Variants in LRP1B observed in about 807,000 individuals in gnomAD.
LRP1B encodes low-density lipoprotein receptor-related protein 1B.
In LRP1B, 217 loss-of-function variants were observed where a neutral mutation model predicts 556.6. The observed-to-expected ratio is 0.39, with a 90% CI of 0.35 to 0.44. The LOEUF is 0.44. Among genes scored for constraint, LRP1B ranks in the 20% least tolerant of loss-of-function variants. The pLI is 1.00. For synonymous variants in LRP1B, 2,047 were observed against 1,865.8 expected, an observed-to-expected ratio of 1.10 and a Z score of -2.50; for missense variants, 5,053 against 5,620.8, an observed-to-expected ratio of 0.90 and a Z score of 3.23.
At chr2:141,770,506 C>T (rs1160956046) in intron 2 of LRP1B, among the ~76,000 whole-genome samples, 1 of 152,234 alleles carries the variant, frequency 6.6e-6, no homozygotes, top group East Asian at 1.9e-4. Flanking sequence ...AGACTGCTGG[C>T]TACAAACAGC....
At chr2:141,052,335 T>C (rs1293357860) in intron 10 of LRP1B, among the ~76,000 whole-genome samples, 9 of 152,054 alleles carry the variant, frequency 5.9e-5, no homozygotes, top group African/African-American at 1.9e-4. Flanking sequence ...TTACATACTT[T>C]TATATTTTTC....
chr2:141,986,941 A>T (rs572135358), intron 1 of LRP1B, among the ~76,000 whole-genome samples: 2 of 152,130 alleles, frequency 1.3e-5, no homozygotes, highest in Admixed American at 6.6e-5. Flanking sequence ...CCTGTGTTGT[A>T]CCACTTATTA....
In LRP1B at chr2:140,950,484, T is replaced by C. The variant is rs1227554976; in HGVS notation, c.2969-82A>G. On this transcript the variant is annotated intron_variant, in intron 19 of 90. Transcript: ENST00000389484. ...TTATGAAATATCTAACTGGTTTCTG[T>C]TGTTGTTGTTGTTTTTTGAGACAGA... 12 of 1,097,532 alleles carry C rather than the reference T, an allele frequency of 1.1e-5. No homozygotes were observed. In the East Asian group the frequency reaches 1.7e-4, roughly 15 times the overall value. 68.0% of individuals were successfully genotyped at this position (1,097,532 alleles called of 1,614,324 possible).
chr2:140,486,273 T>A (rs1688467736), intron 58 of LRP1B, among the ~76,000 whole-genome samples: 1 of 151,962 alleles, frequency 6.6e-6, no homozygotes, highest in Non-Finnish European at 1.5e-5. Flanking sequence ...GCCAATAAAA[T>A]TTTAAATGTA....
intron 1 of LRP1B, among the ~76,000 whole-genome samples, chr2:141,880,351 A>G (rs184864593): frequency 9.2e-5 from 14 of 152,150 alleles, no homozygotes; most frequent in Non-Finnish European, 1.9e-4. Flanking sequence ...GGCAAAAATC[A>G]CAATTACTTT....
chr2:141,641,416 T>G (rs2105364881), intron 2 of LRP1B, among the ~76,000 whole-genome samples: 1 of 152,318 alleles, frequency 6.6e-6, no homozygotes, highest in Non-Finnish European at 1.5e-5. Flanking sequence ...TAAAAAAAAT[T>G]AAACACTATA....
chr2:141,708,277 T>C (rs1692225526), intron 2 of LRP1B, among the ~76,000 whole-genome samples: 1 of 151,938 alleles, frequency 6.6e-6, no homozygotes, highest in Admixed American at 6.6e-5. Context: ...TATTCACCCC[T>C]AGATAGTGTA....
At chr2:140,387,115 C>T (rs1683791930) in intron 66 of LRP1B, among the ~76,000 whole-genome samples, 1 of 152,132 alleles carries the variant, frequency 6.6e-6, no homozygotes, top group Non-Finnish European at 1.5e-5. Context: ...GAACACATTT[C>T]CCTTTCGTGT....
intron 1 of LRP1B, among the ~76,000 whole-genome samples, chr2:142,107,618 C>T (rs10166768): frequency 0.17 from 26,288 of 151,184 alleles, 2,506 homozygotes; most frequent in African/African-American, 0.23. Context: ...AATAATGTGT[C>T]TTTTGTTTTG....
intron 59 of LRP1B, among the ~76,000 whole-genome samples, chr2:140,480,788 T>G (rs1688204127): frequency 6.6e-6 from 1 of 152,152 alleles, no homozygotes; most frequent in Admixed American, 6.5e-5. Flanking sequence ...TAAATGAAAG[T>G]ATGTCTTTTA....
At chr2:141,516,893 C>T (rs1684331480) in intron 2 of LRP1B, among the ~76,000 whole-genome samples, 1 of 149,972 alleles carries the variant, frequency 6.7e-6, no homozygotes, top group Non-Finnish European at 1.5e-5. Context: ...GATGGAGTTT[C>T]AGCACGTTGG....
intron 32 of LRP1B, among the ~76,000 whole-genome samples, chr2:140,784,726 AG>A (rs1689834636): frequency 2.5e-5 from 1 of 40,046 alleles, no homozygotes; most frequent in African/African-American, 4.7e-5. Context: ...AATGAAGAAA[AG>A]GTAAAAAAAA....
intron 2 of LRP1B, among the ~76,000 whole-genome samples, chr2:141,494,023 A>G (rs1252786841): frequency 6.6e-6 from 1 of 152,140 alleles, no homozygotes; most frequent in African/African-American, 2.4e-5. Context: ...GTCTATCACC[A>G]TGTGCTTATT....
chr2:141,726,515 G>A (rs181367094), intron 2 of LRP1B, among the ~76,000 whole-genome samples: 608 of 151,992 alleles, frequency 4.0e-3, no homozygotes, highest in African/African-American at 0.014. Context: ...TAGTGAATTG[G>A]GGTAACATGT....
chr2:141,835,467 A>G (rs572818939), intron 1 of LRP1B, among the ~76,000 whole-genome samples: 3 of 150,788 alleles, frequency 2.0e-5, no homozygotes, highest in Non-Finnish European at 4.4e-5. Flanking sequence ...ACACTCAATC[A>G]TATTAATGAC....
chr2:141,102,873 T>C (rs535829130), intron 7 of LRP1B, among the ~76,000 whole-genome samples: 1 of 152,242 alleles, frequency 6.6e-6, no homozygotes, highest in East Asian at 1.9e-4. Context: ...ATTTATGAAT[T>C]AGTAGTGAAA....
At chr2:141,676,805 A>G (rs961702864) in intron 2 of LRP1B, among the ~76,000 whole-genome samples, 1 of 152,060 alleles carries the variant, frequency 6.6e-6, no homozygotes, top group Admixed American at 6.6e-5. Context: ...TTAATTCTGT[A>G]CCGATGGGAT....
chr2:141,335,831 C>T (rs993293542), intron 3 of LRP1B, among the ~76,000 whole-genome samples: 8 of 152,020 alleles, frequency 5.3e-5, no homozygotes, highest in Non-Finnish European at 8.8e-5. Flanking sequence ...TGTGTGTATA[C>T]ACCTGTGTAT....
At chr2:141,628,003 A>G (rs1197289756) in intron 2 of LRP1B, among the ~76,000 whole-genome samples, 1 of 152,232 alleles carries the variant, frequency 6.6e-6, no homozygotes. Flanking sequence ...AAATTTTAAT[A>G]CTATGTGGAA....
Sources: gnomAD v4.1 joint callset for allele counts (sites outside exome capture counted in the v4.1 genomes callset) on GRCh38, gnomAD v4.1.1 for gene constraint, MANE v1.5 for transcripts, NCBI Gene and HGNC (gene_info 2026-07-23, HGNC 2026-07-21) for gene names.